Variants in SLC27A6 observed in about 807,000 individuals in gnomAD.
SLC27A6 encodes the protein solute carrier family 27 member 6, also known as long-chain fatty acid transport protein 6.
In SLC27A6, 74 loss-of-function variants were observed where a neutral mutation model predicts 63.9. The observed-to-expected ratio is 1.16, with a 90% CI of 0.96 to 1.40. The LOEUF is 1.40. Among genes scored for constraint, SLC27A6 ranks in the 40% most tolerant of loss-of-function variants. The probability of loss-of-function intolerance (pLI) is 0.00; values close to 1 mark genes in which losing one functional copy is unlikely to be tolerated. For synonymous variants in SLC27A6, 287 were observed against 260.8 expected (o/e 1.10, Z -0.97); for missense variants, 794 against 732.9 (o/e 1.08, Z -0.96).
intron 1 of SLC27A6, among the ~76,000 whole-genome samples, chr5:128,973,650 G>A (rs1750271882): frequency 6.6e-6 from 1 of 152,210 alleles, no homozygotes; most frequent in South Asian, 2.1e-4. Context: ...TAGAGTGAGA[G>A]TATCCCGAGT....
intron 5 of SLC27A6, among the ~76,000 whole-genome samples, chr5:129,022,283 A>G (rs1356426916): frequency 6.6e-6 from 1 of 152,222 alleles, no homozygotes; most frequent in African/African-American, 2.4e-5. Flanking sequence ...TTTGATGATT[A>G]CATTAAATAG....
rs1352024385 is a variant in SLC27A6 at position 129,033,330 on chromosome 5, G to A, written c.*48G>A. ...ATATGCTTTCTTAGGAAGAGTGAGA[G>A]GGGGGTATATGATTCTTTATGAAAT... On this transcript the variant is annotated 3_prime_UTR_variant, in exon 10 of 10. Coordinates refer to ENST00000262462, the MANE Select transcript of SLC27A6 (RefSeq NM_001017372.3). The A allele has an allele frequency of 1.7e-6, 2 of 1,168,596 alleles. No homozygotes were observed. The highest frequency in any genetic ancestry group is 1.2e-6 in the Non-Finnish European group (1 of 828,164). 72.4% of individuals were successfully genotyped at this position (1,168,596 alleles called of 1,614,324 possible).
rs1034219489 is a variant in SLC27A6, at chr5:128,986,447, A to G, written c.685+1111A>G. 2.2e-4 allele frequency among the ~76,000 whole-genome samples: 33 copies of G among 152,244 alleles called. 1 individual carries two copies. The highest frequency in any genetic ancestry group is 7.7e-4 in the African/African-American group (32 of 41,470). ...ATGATTGTTGATTTGACTTAGACAT[A>G]TTAAGAGTATTGTTACTCATTTCTT... On this transcript the variant is annotated intron_variant, in intron 2 of 9. Transcript: ENST00000262462.
chr5:128,999,485 G>A (rs17699669), intron 4 of SLC27A6, among the ~76,000 whole-genome samples: 34,458 of 151,824 alleles, frequency 0.23, 5,016 homozygotes, highest in East Asian at 0.7. Flanking sequence ...TGCAAATACC[G>A]TCTACAACTT....
intron 4 of SLC27A6, among the ~76,000 whole-genome samples, chr5:128,996,373 C>G (rs999335458): frequency 1.3e-5 from 2 of 152,110 alleles, no homozygotes; most frequent in South Asian, 2.1e-4. Context: ...AGCCAGAAAA[C>G]ATCCTTATGA....
rs756743158 is a variant in SLC27A6 at position 128,966,449 on chromosome 5, G to T, written c.312G>T (p.Lys104Asn). The change falls in exon 1 of 10, where the codon AAG becomes AAT. Residue 104 changes from lysine to asparagine, a missense_variant. Transcript: ENST00000262462. Reference sequence around the variant, plus strand: ...TCCTGAACCATTCCTCTCTGAAAAAGGGGGACACGGTGGCTCTGCTGATGA... The same window carrying T: ...TCCTGAACCATTCCTCTCTGAAAAATGGGGACACGGTGGCTCTGCTGATGA... ...HVFLNHSSLK[K>N]GDTVALLMSN... is the part of the protein sequence containing the mutation. 2 of 1,606,862 alleles carry T rather than the reference G, an allele frequency of 1.2e-6. No homozygotes were observed. The highest frequency in any genetic ancestry group is 1.7e-5 in the Admixed American group (1 of 58,982).
At chr5:129,023,890 G>T (rs1752155403) in intron 6 of SLC27A6, among the ~76,000 whole-genome samples, 180 bp downstream of exon 6, 1 of 151,988 alleles carries the variant, frequency 6.6e-6, no homozygotes, top group Admixed American at 6.6e-5. Flanking sequence ...ACATCCTCCT[G>T]TATACTTTAA....
At chr5:128,970,126 G>A (rs559175707) in intron 1 of SLC27A6, among the ~76,000 whole-genome samples, 3 of 148,098 alleles carry the variant, frequency 2.0e-5, no homozygotes, top group South Asian at 2.2e-4. Flanking sequence ...ACTTGATCAT[G>A]GTGGATAAGC....
rs148763578 is a variant in SLC27A6, at chr5:128,991,531, C to T, written c.969+1067C>T. 9.9e-4 allele frequency among the ~76,000 whole-genome samples: 151 copies of T among 152,166 alleles called. 3 individuals carry two copies. In the East Asian group the frequency reaches 0.023, roughly 23 times the overall value. On this transcript the variant is annotated intron_variant, in intron 4 of 9. Transcript: ENST00000262462. Reference sequence around the variant, plus strand: ...AATTAAAATTTCTATAAACATAACACGCATCAGATTATGAAATTAGATTCA... The same window carrying T: ...AATTAAAATTTCTATAAACATAACATGCATCAGATTATGAAATTAGATTCA...
At chr5:129,013,334 C>T (rs895509384) in intron 4 of SLC27A6, among the ~76,000 whole-genome samples, 2 of 151,864 alleles carry the variant, frequency 1.3e-5, no homozygotes, top group Non-Finnish European at 1.5e-5. Flanking sequence ...CCATCTGTAC[C>T]GTTCTACTAA....
intron 4 of SLC27A6, among the ~76,000 whole-genome samples, chr5:129,008,149 T>C (rs1751608858): frequency 1.3e-5 from 2 of 152,192 alleles, no homozygotes; most frequent in Admixed American, 6.5e-5. Flanking sequence ...CACATTTTCT[T>C]TTCCCACATA....
intron 5 of SLC27A6, among the ~76,000 whole-genome samples, chr5:129,020,280 C>T (rs2150152134): frequency 6.6e-6 from 1 of 152,200 alleles, no homozygotes; most frequent in African/African-American, 2.4e-5. Flanking sequence ...TATAGGAATG[C>T]AATATTTCTT....
intron 5 of SLC27A6, 42 bp from the exon 6 acceptor site, chr5:129,023,578 A>G (rs967371317): frequency 7.0e-7 from 1 of 1,420,506 alleles, no homozygotes; most frequent in Non-Finnish European, 9.8e-7. Flanking sequence ...TGCACAAGTA[A>G]CTAAATGCTT....
intron 4 of SLC27A6, among the ~76,000 whole-genome samples, chr5:128,995,620 A>T (rs1206961391): frequency 6.6e-6 from 1 of 152,166 alleles, no homozygotes; most frequent in Non-Finnish European, 1.5e-5. Context: ...TGATATGACA[A>T]GTGGGATCCA....
chr5:128,975,206 C>G (rs917761255), intron 1 of SLC27A6, among the ~76,000 whole-genome samples: 1 of 152,118 alleles, frequency 6.6e-6, no homozygotes, highest in African/African-American at 2.4e-5. Context: ...CAAAAATTAG[C>G]CGAGTGTGGT....
At chr5:129,001,466 G>A (rs1580726919) in intron 4 of SLC27A6, among the ~76,000 whole-genome samples, 1 of 152,266 alleles carries the variant, frequency 6.6e-6, no homozygotes, top group East Asian at 1.9e-4. Context: ...TATTACATAA[G>A]GTGTGTTGGT....
chr5:129,006,069 C>CTTTTTTTTTTTTTTTTT (rs1561624835), intron 4 of SLC27A6, among the ~76,000 whole-genome samples: 6 of 64,844 alleles, frequency 9.3e-5, no homozygotes, highest in South Asian at 7.2e-4. Context: ...CCTGTGCACA[C>CTTTTTTTTTTTTTTTTT]TGTTTTTTTT....
intron 8 of SLC27A6, among the ~76,000 whole-genome samples, chr5:129,028,833 A>G (rs1752329412): frequency 6.6e-6 from 1 of 152,018 alleles, no homozygotes; most frequent in African/African-American, 2.4e-5. Context: ...TTTAGTTAAG[A>G]TGGCTCTTTA....
At chr5:129,016,317 A>G (rs893663932) in intron 5 of SLC27A6, among the ~76,000 whole-genome samples, 2 of 145,010 alleles carry the variant, frequency 1.4e-5, no homozygotes, top group African/African-American at 5.1e-5. Flanking sequence ...AATGGCATGA[A>G]CCCAGGAGGT....
Sources: allele counts gnomAD v4.1 joint callset (sites outside exome capture counted in the v4.1 genomes callset), GRCh38; gene constraint gnomAD v4.1.1; transcripts MANE v1.5; gene names NCBI Gene and HGNC (gene_info 2026-07-23, HGNC 2026-07-21).